DIAPH2: variants seen among roughly 807,000 people sequenced by gnomAD.
DIAPH2 encodes diaphanous related formin 2.
In DIAPH2, 35 loss-of-function variants were observed where a neutral mutation model predicts 92.7. That is an observed-to-expected ratio of 0.38 (90% CI 0.29 to 0.50). The LOEUF (loss-of-function observed/expected upper bound fraction) is 0.50. Ranked by LOEUF, DIAPH2 falls within the 20% of genes least tolerant of loss-of-function variation. The pLI, the probability that DIAPH2 is intolerant of heterozygous loss-of-function variation, is 0.94. For synonymous variants in DIAPH2, 301 were observed against 280.4 expected (o/e 1.07, Z -0.73); for missense variants, 701 against 819.5 (o/e 0.86, Z 1.77).
intron 4 of DIAPH2, among the ~76,000 whole-genome samples, chrX:96,819,129 A>C (rs1321008103): frequency 8.9e-6 from 1 of 112,295 alleles, no homozygotes; most frequent in African/African-American, 3.2e-5. Context: ...AAGCCACAGT[A>C]GTGGTCTGTT....
chrX:97,571,804 T>G (rs1183665891), intron 26 of DIAPH2, among the ~76,000 whole-genome samples: 6 of 111,857 alleles, frequency 5.4e-5, no homozygotes, highest in African/African-American at 2.0e-4. Context: ...ATAGCCCCAC[T>G]GAGGCAAATG....
At chrX:96,689,405 G>A (rs1260861687) in intron 1 of DIAPH2, among the ~76,000 whole-genome samples, 1 of 108,294 alleles carries the variant, frequency 9.2e-6, no homozygotes, top group Non-Finnish European at 1.9e-5. Context: ...AAGCATGCTA[G>A]AATGGAGGCA....
chrX:97,238,103 C>A (rs2068063691), intron 22 of DIAPH2, among the ~76,000 whole-genome samples: 2 of 112,204 alleles, frequency 1.8e-5, no homozygotes, highest in Admixed American at 1.9e-4. Flanking sequence ...TGGGATTCTT[C>A]AAGGGGCAGC....
At chrX:97,115,000 A>G (rs1258770463) in intron 21 of DIAPH2, 35 bp downstream of exon 21, 7 of 1,112,867 alleles carry the variant, frequency 6.3e-6, no homozygotes, top group Non-Finnish European at 8.3e-6. Context: ...ATTTACAACA[A>G]TAATCTTCTT....
At chrX:97,592,376 A>T (rs1242912511) in intron 26 of DIAPH2, among the ~76,000 whole-genome samples, 1 of 111,888 alleles carries the variant, frequency 8.9e-6, no homozygotes, top group Non-Finnish European at 1.9e-5. Context: ...TAGAAAAGTG[A>T]TTTAATCTCA....
chrX:97,125,471 C>CAAAAAAAA (rs1159049051), intron 21 of DIAPH2, among the ~76,000 whole-genome samples: 1 of 19,206 alleles, frequency 5.2e-5, no homozygotes, highest in African/African-American at 9.3e-5. Context: ...GACTCCGTCT[C>CAAAAAAAA]AAAAAAAAAA....
chrX:97,435,955 T>C (rs968321295), intron 26 of DIAPH2, among the ~76,000 whole-genome samples: 9 of 109,954 alleles, frequency 8.2e-5, no homozygotes, highest in South Asian at 4.0e-4. Flanking sequence ...CTACAGGGCC[T>C]GCCACCACGC....
At chrX:97,239,060 A>G (rs768107238) in intron 22 of DIAPH2, among the ~76,000 whole-genome samples, 7 of 111,959 alleles carry the variant, frequency 6.3e-5, no homozygotes, top group African/African-American at 9.7e-5. Flanking sequence ...TACAATGAAT[A>G]GAAACATTTA....
chrX:96,956,593 C>T (rs1315923298), intron 15 of DIAPH2, among the ~76,000 whole-genome samples: 1 of 111,769 alleles, frequency 8.9e-6, no homozygotes, highest in Non-Finnish European at 1.9e-5. Flanking sequence ...ATTTTTTCTG[C>T]CAGATACCCT....
intron 23 of DIAPH2, among the ~76,000 whole-genome samples, chrX:97,318,327 C>T (rs1207711144): frequency 2.8e-5 from 3 of 108,594 alleles, no homozygotes; most frequent in Admixed American, 2.0e-4. Flanking sequence ...TTAGTAGAGA[C>T]GGAGTTTCAC....
intron 22 of DIAPH2, among the ~76,000 whole-genome samples, chrX:97,160,746 G>C (rs1427438211): frequency 1.8e-5 from 2 of 111,605 alleles, no homozygotes; most frequent in Non-Finnish European, 3.8e-5. Flanking sequence ...TTTTAGGTAT[G>C]CTAGTTACTG....
At chrX:96,779,763 A>C (rs1022922256) in intron 4 of DIAPH2, among the ~76,000 whole-genome samples, 1 of 112,304 alleles carries the variant, frequency 8.9e-6, no homozygotes, top group African/African-American at 3.2e-5. Context: ...TGGTGTTTAC[A>C]TATAGAAATG....
At chrX:97,158,773 T>G (rs2147435569) in intron 22 of DIAPH2, among the ~76,000 whole-genome samples, 1 of 112,279 alleles carries the variant, frequency 8.9e-6, no homozygotes, top group African/African-American at 3.2e-5. Flanking sequence ...GGCCCTTTAT[T>G]ATTTCTCCAA....
chrX:96,949,648 CCTGA>C (rs1376358781), intron 15 of DIAPH2, among the ~76,000 whole-genome samples: 15 of 99,602 alleles, frequency 1.5e-4, no homozygotes, highest in African/African-American at 5.2e-4. Context: ...TCAAGACCAT[CCTGA>C]CTAACAGTGT....
intron 4 of DIAPH2, among the ~76,000 whole-genome samples, chrX:96,859,864 A>G (rs2065063104): frequency 9.0e-6 from 1 of 110,662 alleles, no homozygotes; most frequent in Admixed American, 9.7e-5. Context: ...GATGGTCTCG[A>G]TCTCCTGACC....
At chrX:97,401,776 T>C (rs2069760022) in intron 25 of DIAPH2, among the ~76,000 whole-genome samples, 1 of 112,203 alleles carries the variant, frequency 8.9e-6, no homozygotes, top group Non-Finnish European at 1.9e-5. Context: ...CAATGACTCA[T>C]CTTATTTCAC....
At chrX:97,336,266 A>T (rs746650089) in intron 23 of DIAPH2, among the ~76,000 whole-genome samples, 297 of 84,966 alleles carry the variant, frequency 3.5e-3, no homozygotes, top group African/African-American at 0.013. Context: ...TTTTTTTGAG[A>T]CGGAGTCTCG....
chrX:97,462,054 C>G (rs1040572701), intron 26 of DIAPH2, among the ~76,000 whole-genome samples: 4 of 111,175 alleles, frequency 3.6e-5, no homozygotes, highest in African/African-American at 1.3e-4. Context: ...AAATATTGAA[C>G]CCTTTGGGAT....
At position 97,159,895 on chromosome X, in the gene DIAPH2, A is replaced by G. The variant is rs769516013; in HGVS notation, c.2719+18101A>G. On this transcript the variant is annotated intron_variant, in intron 22 of 26. Coordinates refer to ENST00000324765, the MANE Select transcript of DIAPH2 (RefSeq NM_006729.5). Reference sequence around the variant, plus strand: ...AATGTCCTTCTGATCTTTATATTATACATAAACACAGATATGCTACAGGAC... The same window carrying G: ...AATGTCCTTCTGATCTTTATATTATGCATAAACACAGATATGCTACAGGAC... 3.6e-5 allele frequency among the ~76,000 whole-genome samples: 4 copies of G among 111,483 alleles called. No homozygotes were observed. In the East Asian group the frequency reaches 8.4e-4, roughly 23 times the overall value.
Sources: gnomAD v4.1 joint callset for allele counts (sites outside exome capture counted in the v4.1 genomes callset) on GRCh38, gnomAD v4.1.1 for gene constraint, MANE v1.5 for transcripts, NCBI Gene and HGNC (gene_info 2026-07-23, HGNC 2026-07-21) for gene names.